Variants in SRBD1 observed in about 807,000 individuals in gnomAD.
The protein encoded by SRBD1 is S1 RNA binding domain 1.
SRBD1 carries 88 observed loss-of-function variants against 115.3 expected under a neutral mutation model. The ratio of observed to expected loss-of-function variants is 0.76; its 90% CI spans 0.64 to 0.91. The LOEUF (loss-of-function observed/expected upper bound fraction) is 0.91, where lower values mean the gene tolerates loss of function less well. Ranked by LOEUF, SRBD1 falls within the 40% of genes least tolerant of loss-of-function variation. The pLI is 0.00. For synonymous variants in SRBD1, 509 were observed against 407.7 expected, an observed-to-expected ratio of 1.25 and a Z score of -2.99; for missense variants, 1,385 against 1,177.4, an observed-to-expected ratio of 1.18 and a Z score of -2.58.
chr2:45,576,682 C>T (rs2104163686), intron 7 of SRBD1, among the ~76,000 whole-genome samples: 1 of 152,288 alleles, frequency 6.6e-6, no homozygotes, highest in South Asian at 2.1e-4. Context: ...TGTTAGCTCT[C>T]TCAGTCTTCA....
chr2:45,514,227 AG>A (rs1284900458), intron 14 of SRBD1, among the ~76,000 whole-genome samples: 3 of 152,196 alleles, frequency 2.0e-5, no homozygotes, highest in African/African-American at 7.2e-5. Context: ...CTTACAATTA[AG>A]TGTATTATTT....
In SRBD1 at chr2:45,553,569, T is replaced by C. The variant is rs1014914430; in HGVS notation, c.1517+54A>G. ...CATTAGCTACACACTGTAATGGTAC[T>C]AGTATCATATAACAATAATCAGTAC... On this transcript the variant is annotated intron_variant, in intron 11 of 20. Transcript: ENST00000263736. The C allele has an allele frequency of 1.0e-5, 12 of 1,153,210 alleles. No homozygotes were observed. In the African/African-American group the frequency reaches 1.7e-4, roughly 16 times the overall value. The allele number at this position is 1,153,210 out of a possible 1,614,324, so 71.4% of individuals were successfully genotyped here. A position where few individuals can be genotyped will look rare whatever the true frequency, so the allele number is the denominator to read the frequency against.
At chr2:45,403,454 C>T (rs6544815) in intron 19 of SRBD1, among the ~76,000 whole-genome samples, 118,133 of 152,100 alleles carry the variant, frequency 0.78, 46,400 homozygotes, top group African/African-American at 0.86. Flanking sequence ...ATTATTAATT[C>T]CTATCATTTA....
intron 16 of SRBD1, among the ~76,000 whole-genome samples, chr2:45,438,035 A>G (rs1668553268): frequency 6.6e-6 from 1 of 152,202 alleles, no homozygotes; most frequent in African/African-American, 2.4e-5. Flanking sequence ...ACTGATAATG[A>G]TATGCATTCA....
intron 20 of SRBD1, among the ~76,000 whole-genome samples, chr2:45,392,189 A>T (rs887142293): frequency 6.6e-6 from 1 of 152,188 alleles, no homozygotes; most frequent in Non-Finnish European, 1.5e-5. Flanking sequence ...TGTATTTCAA[A>T]ACTCCTTTAA....
At chr2:45,401,690 T>A (rs535741673) in intron 19 of SRBD1, among the ~76,000 whole-genome samples, 1 of 152,320 alleles carries the variant, frequency 6.6e-6, no homozygotes, top group South Asian at 2.1e-4. Flanking sequence ...AGAACGAAGC[T>A]GTGGTGAATT....
At chr2:45,540,662 T>C (rs979600078) in intron 14 of SRBD1, among the ~76,000 whole-genome samples, 3 of 152,160 alleles carry the variant, frequency 2.0e-5, no homozygotes. Context: ...AAAAATACTC[T>C]TATTCAATAA....
At chr2:45,509,597 A>AC (rs1670903315) in intron 14 of SRBD1, among the ~76,000 whole-genome samples, 1 of 127,760 alleles carries the variant, frequency 7.8e-6, no homozygotes, top group African/African-American at 3.1e-5. Flanking sequence ...CTCCGTCTCA[A>AC]AACACACACA....
chr2:45,414,597 ATAG>A (rs1384367781), intron 18 of SRBD1, among the ~76,000 whole-genome samples: 1 of 145,744 alleles, frequency 6.9e-6, no homozygotes, highest in East Asian at 1.9e-4. Flanking sequence ...GTGTGTACAC[ATAG>A]TGTGTATAGT....
intron 16 of SRBD1, among the ~76,000 whole-genome samples, chr2:45,439,409 AT>A (rs1411704984): frequency 1.4e-5 from 2 of 147,556 alleles, no homozygotes; most frequent in East Asian, 3.9e-4. Flanking sequence ...ATATATATAT[AT>A]GCATATATAT....
intron 4 of SRBD1, among the ~76,000 whole-genome samples, chr2:45,598,469 C>G (rs533732138): frequency 1.3e-5 from 2 of 151,948 alleles, no homozygotes; most frequent in African/African-American, 4.8e-5. Context: ...GAAAAATTAG[C>G]CGGGCGTGGT....
chr2:45,593,211 T>C (rs755936731), intron 4 of SRBD1, among the ~76,000 whole-genome samples: 1 of 152,160 alleles, frequency 6.6e-6, no homozygotes, highest in Non-Finnish European at 1.5e-5. Flanking sequence ...ACAGTCAATA[T>C]AAACTCATTT....
At position 45,413,253 on chromosome 2, in the gene SRBD1, C is replaced by T. The variant is rs147595984; in HGVS notation, c.2374G>A (p.Val792Met). The T allele has an allele frequency of 1.5e-5, 24 of 1,613,832 alleles. No individual in the cohort carries two copies. In the African/African-American group the frequency reaches 3.1e-4, roughly 21 times the overall value. ...ACCTCAACGTCTGCTGAAGATGTCA[C>T]AGCAACTCCTTGAATTTGGCCTGAA... ...ETSGQIQGVA[V>M]TSSADVEVTN... is the part of the protein sequence containing the mutation. Residue 792 changes from valine to methionine, a missense_variant, in exon 19 of 21, where the codon GTG becomes ATG. Physicochemically the swap from Val to Met is conservative, Grantham distance 21. Coordinates refer to ENST00000263736, the MANE Select transcript of SRBD1 (RefSeq NM_018079.5).
At chr2:45,463,226 T>C (rs1404724389) in intron 16 of SRBD1, among the ~76,000 whole-genome samples, 1 of 152,226 alleles carries the variant, frequency 6.6e-6, no homozygotes, top group East Asian at 1.9e-4. Flanking sequence ...TACCACATTA[T>C]AAAATCACTT....
At chr2:45,596,979 C>T (rs1243963737) in intron 4 of SRBD1, among the ~76,000 whole-genome samples, 1 of 128,914 alleles carries the variant, frequency 7.8e-6, no homozygotes, top group Non-Finnish European at 1.6e-5. Context: ...ACACCCACAC[C>T]CACAACCCTC....
intron 14 of SRBD1, among the ~76,000 whole-genome samples, chr2:45,530,968 G>C (rs897638974): frequency 6.8e-6 from 1 of 148,082 alleles, no homozygotes; most frequent in Non-Finnish European, 1.5e-5. Flanking sequence ...AAATGGGCAA[G>C]ATGTACCTCT....
intron 1 of SRBD1, 112 bp from the exon 2 acceptor site, chr2:45,605,553 A>AAGCCCAAAC (rs1674242173): frequency 1.0e-6 from 1 of 998,576 alleles, no homozygotes; most frequent in East Asian, 2.4e-5. Context: ...AAACAAAAAC[A>AAGCCCAAAC]ATGATGTTTA....
intron 14 of SRBD1, among the ~76,000 whole-genome samples, chr2:45,521,473 G>C (rs1057328396): frequency 2.6e-5 from 4 of 152,004 alleles, no homozygotes; most frequent in Non-Finnish European, 5.9e-5. Context: ...ACCCCTACTA[G>C]ATGTCTATAA....
intron 16 of SRBD1, among the ~76,000 whole-genome samples, chr2:45,474,805 G>T (rs1049089662): frequency 6.6e-6 from 1 of 152,074 alleles, no homozygotes; most frequent in South Asian, 2.1e-4. Context: ...TAATGGGAGG[G>T]ACCCTTTCTT....
Sources: allele counts gnomAD v4.1 joint callset (sites outside exome capture counted in the v4.1 genomes callset), GRCh38; gene constraint gnomAD v4.1.1; transcripts MANE v1.5; gene names NCBI Gene and HGNC (gene_info 2026-07-23, HGNC 2026-07-21).